Variants in NSMCE2 observed in about 807,000 individuals in gnomAD.
The protein encoded by NSMCE2 is NSE2 SUMO ligase component of SMC5/6 complex.
A neutral mutation model predicts 23.8 loss-of-function variants in NSMCE2; 24 were observed. The ratio of observed to expected loss-of-function variants is 1.01; its 90% CI spans 0.73 to 1.42. The LOEUF is 1.42. NSMCE2 is among the 40% of genes most tolerant of loss of function. The pLI, the probability that NSMCE2 is intolerant of heterozygous loss-of-function variation, is 0.00. For synonymous variants in NSMCE2, 92 were observed against 94.1 expected (o/e 0.98, Z 0.13); for missense variants, 284 against 296.5 (o/e 0.96, Z 0.31).
chr8:125,246,862 T>A (rs1825986532), intron 5 of NSMCE2, among the ~76,000 whole-genome samples: 1 of 152,192 alleles, frequency 6.6e-6, no homozygotes, highest in Admixed American at 6.5e-5. Flanking sequence ...AATTAACATA[T>A]CTGACACCGC....
chr8:125,225,584 G>A (rs1166154610), intron 5 of NSMCE2, among the ~76,000 whole-genome samples: 1 of 152,246 alleles, frequency 6.6e-6, no homozygotes, highest in East Asian at 1.9e-4. Context: ...ACAGTGAGCA[G>A]AGAAGCCTCT....
At chr8:125,175,212 T>C (rs1450756440) in intron 4 of NSMCE2, among the ~76,000 whole-genome samples, 1 of 152,146 alleles carries the variant, frequency 6.6e-6, no homozygotes, top group African/African-American at 2.4e-5. Context: ...GGTGTGTCAT[T>C]AAGTGTGGGC....
At chr8:125,153,520 T>C (rs1302214686) in intron 4 of NSMCE2, among the ~76,000 whole-genome samples, 1 of 152,210 alleles carries the variant, frequency 6.6e-6, no homozygotes, top group Non-Finnish European at 1.5e-5. Flanking sequence ...TACTGCTATC[T>C]TATTGCTTGT....
At chr8:125,254,154 A>C (rs752758988) in intron 5 of NSMCE2, among the ~76,000 whole-genome samples, 1 of 152,194 alleles carries the variant, frequency 6.6e-6, no homozygotes, top group Non-Finnish European at 1.5e-5. Flanking sequence ...TTTTGACTCC[A>C]ATATTACATT....
At chr8:125,320,045 A>G (rs891063340) in intron 5 of NSMCE2, among the ~76,000 whole-genome samples, 1 of 151,822 alleles carries the variant, frequency 6.6e-6, no homozygotes, top group Admixed American at 6.6e-5. Flanking sequence ...ACGTGGTGGC[A>G]TGCACTTATA....
chr8:125,099,707 G>T (rs749203443), intron 1 of NSMCE2, among the ~76,000 whole-genome samples: 1 of 152,122 alleles, frequency 6.6e-6, no homozygotes, highest in African/African-American at 2.4e-5. Context: ...AGTTGCAGTG[G>T]AGTGATAGAG....
intron 3 of NSMCE2, among the ~76,000 whole-genome samples, chr8:125,106,816 C>G (rs144498079): frequency 5.9e-5 from 9 of 151,474 alleles, no homozygotes; most frequent in Non-Finnish European, 1.5e-5. Context: ...GCTAACATGA[C>G]GAAAACCTGT....
intron 5 of NSMCE2, among the ~76,000 whole-genome samples, chr8:125,245,327 C>G (rs1424370668): frequency 6.6e-6 from 1 of 152,088 alleles, no homozygotes; most frequent in African/African-American, 2.4e-5. Context: ...GGACTTGCCA[C>G]ATTCTCTCAC....
intron 4 of NSMCE2, among the ~76,000 whole-genome samples, chr8:125,156,731 A>G (rs1310466403): frequency 6.6e-6 from 1 of 152,224 alleles, no homozygotes; most frequent in Non-Finnish European, 1.5e-5. Context: ...GCAATCTTAG[A>G]TATAATAAAG....
intron 3 of NSMCE2, among the ~76,000 whole-genome samples, chr8:125,117,965 C>G (rs1819095453): frequency 6.6e-6 from 1 of 152,062 alleles, no homozygotes; most frequent in Non-Finnish European, 1.5e-5. Context: ...ATTTTTGAAC[C>G]TAATTTTTAA....
rs187027544 is a variant in NSMCE2 at position 125,103,751 on chromosome 8, A to G, written c.157+1264A>G. ...CTTGTCTACTGCAGTGTCTAATCTGATAATTCCATTTAGTGAATTTAAAAA... is the reference window on the plus strand; with the variant it reads ...CTTGTCTACTGCAGTGTCTAATCTGGTAATTCCATTTAGTGAATTTAAAAA... On this transcript the variant is annotated intron_variant, in intron 3 of 7. Transcript: ENST00000287437. Among the ~76,000 whole-genome samples, 3 of 152,278 alleles carry G rather than the reference A, an allele frequency of 2.0e-5. No individual in the cohort carries two copies. The East Asian group carries it at 5.8e-4, about 29-fold the overall frequency.
At chr8:125,129,544 CTGTGTG>C (rs10578122) in intron 3 of NSMCE2, among the ~76,000 whole-genome samples, 11,519 of 145,432 alleles carry the variant, frequency 0.079, 528 homozygotes, top group Middle Eastern at 0.27. Flanking sequence ...AGATTTGGCT[CTGTGTG>C]TGTGTGTGTG....
At chr8:125,223,985 C>T (rs1824986887) in intron 5 of NSMCE2, among the ~76,000 whole-genome samples, 1 of 152,062 alleles carries the variant, frequency 6.6e-6, no homozygotes, top group South Asian at 2.1e-4. Flanking sequence ...TACAGGCACA[C>T]AAAACCATGC....
rs1448370630 is a variant in NSMCE2, at chr8:125,366,807, G to T, written c.666G>T (p.Lys222Asn). ...QIGCSHTDIR[K>N]SDLIQDEALR... Reference sequence around the variant, plus strand: ...GCTGTAGCCACACGGATATAAGAAAGTCAGATCTTATCCAGGATGAAGCAC... The same window carrying T: ...GCTGTAGCCACACGGATATAAGAAATTCAGATCTTATCCAGGATGAAGCAC... Residue 222 changes from lysine (K) to asparagine (N), a missense_variant, in exon 8 of 8, where the codon AAG becomes AAT. Coordinates refer to ENST00000287437, the MANE Select transcript of NSMCE2 (RefSeq NM_173685.4). The T allele has an allele frequency of 6.2e-7, 1 of 1,613,030 alleles. No individual in the cohort carries two copies. Among genetic ancestry groups the T allele is most frequent in the Non-Finnish European group, 8.5e-7 (1 of 1,179,090 alleles).
intron 1 of NSMCE2, among the ~76,000 whole-genome samples, 199 bp from the exon 2 acceptor site, chr8:125,101,852 T>C (rs1266875237): frequency 6.6e-6 from 1 of 152,198 alleles, no homozygotes; most frequent in Non-Finnish European, 1.5e-5. Flanking sequence ...TTTTCTCTTT[T>C]TTTTACAGTT....
At chr8:125,320,256 G>GGAAA (rs1330514146) in intron 5 of NSMCE2, among the ~76,000 whole-genome samples, 1 of 39,040 alleles carries the variant, frequency 2.6e-5, no homozygotes, top group African/African-American at 7.7e-5. Flanking sequence ...AGGGAGGGAA[G>GGAAA]GAAGGAAGGA....
intron 5 of NSMCE2, among the ~76,000 whole-genome samples, chr8:125,296,390 T>C (rs1828326779): frequency 8.3e-6 from 1 of 119,804 alleles, no homozygotes; most frequent in Non-Finnish European, 1.7e-5. Context: ...GTTGCCATGG[T>C]CATTTTTTTT....
intron 3 of NSMCE2, chr8:125,130,321 C>T (rs1301604490): frequency 6.6e-6 from 3 of 453,078 alleles, no homozygotes; most frequent in African/African-American, 4.0e-5. Flanking sequence ...TCACCTGGCC[C>T]TAGTAGTGTT....
At chr8:125,192,499 T>G (rs1823400215) in intron 5 of NSMCE2, among the ~76,000 whole-genome samples, 1 of 145,736 alleles carries the variant, frequency 6.9e-6, no homozygotes, top group Non-Finnish European at 1.5e-5. Context: ...AAAGCAGCTA[T>G]AATTGAATAT....
Sources: gnomAD v4.1 joint callset for allele counts (sites outside exome capture counted in the v4.1 genomes callset) on GRCh38, gnomAD v4.1.1 for gene constraint, MANE v1.5 for transcripts, NCBI Gene and HGNC (gene_info 2026-07-23, HGNC 2026-07-21) for gene names.